The following CEACAM6 variants were observed in gnomAD, a reference collection of about 807,000 sequenced individuals.
The protein encoded by CEACAM6 is CEA cell adhesion molecule 6, also known as cell adhesion molecule CEACAM6.
Under a neutral mutation model 32.4 loss-of-function variants are expected in CEACAM6, and 21 were observed. The ratio of observed to expected loss-of-function variants is 0.65; its 90% CI spans 0.46 to 0.93. The LOEUF is 0.93. Among genes scored for constraint, CEACAM6 ranks in the 40% least tolerant of loss-of-function variants. The pLI is 0.00. For synonymous variants in CEACAM6, 184 were observed against 174.4 expected (o/e 1.06, Z -0.43); for missense variants, 406 against 432.2 (o/e 0.94, Z 0.54).
intron 3 of CEACAM6, 59 bp from the exon 4 acceptor site, chr19:41,761,910 C>T: frequency 6.3e-7 from 1 of 1,595,052 alleles, no homozygotes; most frequent in Non-Finnish European, 8.6e-7. Context: ...CTTCCACAGA[C>T]CAGGAACTTA....
Position 41,761,420 on chromosome 19 carries a change from C to G in CEACAM6, c.596C>G (p.Thr199Ser). The change falls in exon 3 of 6, where the codon ACC becomes AGC. Residue 199 changes from threonine to serine, a missense_variant. Transcript: ENST00000199764. ...CTGCAGCTGTCCAATGGCAACATGACCCTCACTCTACTCAGCGTCAAAAGG... is the reference window on the plus strand; with the variant it reads ...CTGCAGCTGTCCAATGGCAACATGAGCCTCACTCTACTCAGCGTCAAAAGG... ...PRLQLSNGNM[T>S]LTLLSVKRND... is the part of the protein sequence containing the mutation. The G allele has an allele frequency of 6.2e-7, 1 of 1,614,158 alleles. No homozygotes were observed. The highest frequency in any genetic ancestry group is 8.5e-7 in the Non-Finnish European group (1 of 1,180,034).
intron 2 of CEACAM6, among the ~76,000 whole-genome samples, chr19:41,759,225 T>C (rs1172480038): frequency 5.3e-5 from 8 of 152,196 alleles, no homozygotes; most frequent in Non-Finnish European, 7.3e-5. Flanking sequence ...TGTGTCCTCA[T>C]GATGATGCCA....
At chr19:41,769,545 T>A (rs1210005594) in intron 5 of CEACAM6, among the ~76,000 whole-genome samples, 1 of 152,028 alleles carries the variant, frequency 6.6e-6, no homozygotes, top group Non-Finnish European at 1.5e-5. Context: ...GATTCTTTGT[T>A]TTGTTTCCCA....
chr19:41,763,455 A>G (rs2072938802), intron 4 of CEACAM6, among the ~76,000 whole-genome samples: 2 of 152,210 alleles, frequency 1.3e-5, no homozygotes, highest in Admixed American at 6.5e-5. Context: ...TGCATGTTCC[A>G]GGTGAGTACC....
At chr19:41,767,005 C>CAA (rs34180480) in intron 5 of CEACAM6, among the ~76,000 whole-genome samples, 3,372 of 88,198 alleles carry the variant, frequency 0.038, 147 homozygotes, top group African/African-American at 0.12. Flanking sequence ...GACTCCGTCT[C>CAA]AAAAAAAAAA....
chr19:41,763,399 C>A (rs2072938458), intron 4 of CEACAM6, among the ~76,000 whole-genome samples: 1 of 152,182 alleles, frequency 6.6e-6, no homozygotes, highest in Non-Finnish European at 1.5e-5. Context: ...AAAAAACACA[C>A]CTTGGCTGGG....
Position 41,771,870 on chromosome 19 carries a change from C to G in CEACAM6, c.*1109C>G, listed in dbSNP as rs1380083766. On this transcript the variant is annotated 3_prime_UTR_variant, in exon 6 of 6. Coordinates refer to ENST00000199764, the MANE Select transcript of CEACAM6 (RefSeq NM_002483.7). ...AGGTGAGCGCATTGAGCCAGTGGTG[C>G]TAAATGCTACATACTCCAACTGAAA... is the stretch of plus-strand genomic sequence containing the variant. 6.6e-6 allele frequency: 1 copy of G among 151,804 alleles called. No homozygotes were observed. Among genetic ancestry groups the G allele is most frequent in the Non-Finnish European group, 1.5e-5 (1 of 67,980 alleles). The allele number at this position is 151,804 out of a possible 1,614,324, so 9.4% of individuals were successfully genotyped here.
At chr19:41,770,073 GT>G (rs1312304204) in intron 5 of CEACAM6, among the ~76,000 whole-genome samples, 2 of 151,460 alleles carry the variant, frequency 1.3e-5, no homozygotes, top group Non-Finnish European at 2.9e-5. Flanking sequence ...GTTTCTAAAA[GT>G]TTAATCTGAG....
chr19:41,761,620 C>G lies in CEACAM6; in HGVS notation c.703+93C>G. 4 of 1,566,066 alleles carry G rather than the reference C, an allele frequency of 2.6e-6. No individual in the cohort carries two copies. In the South Asian group the frequency reaches 4.9e-5, roughly 19 times the overall value. On this transcript the variant is annotated intron_variant, in intron 3 of 5. Transcript: ENST00000199764. ...TCTCAGTCCCTCTCAGGTCTAAGGACTCAGACCCTCACCCAGGCTGGCCAT... is the reference window on the plus strand; with the variant it reads ...TCTCAGTCCCTCTCAGGTCTAAGGAGTCAGACCCTCACCCAGGCTGGCCAT...
chr19:41,768,535 A>G (rs896185776), intron 5 of CEACAM6, among the ~76,000 whole-genome samples: 6 of 152,222 alleles, frequency 3.9e-5, no homozygotes, highest in East Asian at 1.9e-4. Flanking sequence ...CGATTTCTCA[A>G]TCTTTTCCCC....
At chr19:41,768,368 T>C (rs1416897180) in intron 5 of CEACAM6, among the ~76,000 whole-genome samples, 1 of 152,240 alleles carries the variant, frequency 6.6e-6, no homozygotes, top group Non-Finnish European at 1.5e-5. Context: ...TTAATCCATT[T>C]AACCCTGAGT....
At chr19:41,755,745 C>T (rs782092704) in intron 1 of CEACAM6, 43 bp downstream of exon 1, 8 of 1,539,518 alleles carry the variant, frequency 5.2e-6, no homozygotes, top group Non-Finnish European at 6.2e-6. Context: ...GGAGGGAGCA[C>T]AGAGACTGGC....
intron 3 of CEACAM6, 88 bp downstream of exon 3, chr19:41,761,615 A>G (rs1005354555): frequency 1.3e-6 from 2 of 1,574,232 alleles, no homozygotes; most frequent in South Asian, 2.4e-5. Flanking sequence ...TCTCAGGTCT[A>G]AGGACTCAGA....
chr19:41,762,444 G>A (rs1342477205), intron 4 of CEACAM6, among the ~76,000 whole-genome samples: 2 of 151,722 alleles, frequency 1.3e-5, no homozygotes, highest in African/African-American at 4.8e-5. Flanking sequence ...TCTGACTTTG[G>A]GTCCATCCTG....
chr19:41,761,154 G>C, intron 2 of CEACAM6, 95 bp from the exon 3 acceptor site: 1 of 1,588,860 alleles, frequency 6.3e-7, no homozygotes, highest in Admixed American at 1.7e-5. Flanking sequence ...ACTCAAGGGG[G>C]CTGAGAGGTG....
At chr19:41,768,993 T>G (rs1317877104) in intron 5 of CEACAM6, among the ~76,000 whole-genome samples, 3 of 152,322 alleles carry the variant, frequency 2.0e-5, no homozygotes, top group African/African-American at 7.2e-5. Context: ...TTGCCCAGGC[T>G]GAAGTGCAAT....
chr19:41,768,245 G>A (rs1396224716), intron 5 of CEACAM6, among the ~76,000 whole-genome samples: 7 of 152,292 alleles, frequency 4.6e-5, no homozygotes, highest in East Asian at 3.9e-4. Flanking sequence ...AGGACCCTGC[G>A]GCCTTCCGCA....
At chr19:41,763,524 G>A (rs2072939380) in intron 4 of CEACAM6, among the ~76,000 whole-genome samples, 1 of 152,190 alleles carries the variant, frequency 6.6e-6, no homozygotes, top group African/African-American at 2.4e-5. Context: ...CAGAGGCTGT[G>A]GCTGTCAGTC....
At chr19:41,759,355 G>A (rs1478946295) in intron 2 of CEACAM6, among the ~76,000 whole-genome samples, 1 of 152,216 alleles carries the variant, frequency 6.6e-6, no homozygotes, top group Non-Finnish European at 1.5e-5. Context: ...TAACAGGAGA[G>A]GAAGAAAGCA....
Sources: gnomAD v4.1 joint callset for allele counts (sites outside exome capture counted in the v4.1 genomes callset) on GRCh38, gnomAD v4.1.1 for gene constraint, MANE v1.5 for transcripts, NCBI Gene and HGNC (gene_info 2026-07-23, HGNC 2026-07-21) for gene names.